The following SERGEF variants were observed in gnomAD, a reference collection of about 807,000 sequenced individuals.
SERGEF encodes the protein secretion regulating guanine nucleotide exchange factor.
In SERGEF, 51 loss-of-function variants were observed where a neutral mutation model predicts 50.0. The ratio of observed to expected loss-of-function variants is 1.02; its 90% CI spans 0.81 to 1.29. The LOEUF (loss-of-function observed/expected upper bound fraction) is 1.29, where lower values mean the gene tolerates loss of function less well. SERGEF is among the 50% of genes most tolerant of loss of function. The pLI is 0.00. For missense variants in SERGEF, 521 were observed against 557.0 expected (o/e 0.94, Z 0.65); for synonymous variants, 205 against 212.4 (o/e 0.97, Z 0.30).
chr11:18,002,151 T>C, intron 4 of SERGEF: 6 of 377,456 alleles, frequency 1.6e-5, no homozygotes, highest in South Asian at 8.3e-5. Context: ...TATTTTTCTT[T>C]TGTTTTTCCC....
intron 4 of SERGEF, chr11:18,002,187 A>G: frequency 5.6e-6 from 2 of 358,086 alleles, no homozygotes; most frequent in South Asian, 2.2e-5. Flanking sequence ...AGGGCTTTAC[A>G]TGTGACTTCA....
chr11:17,908,064 G>T (rs1488765711), intron 9 of SERGEF, among the ~76,000 whole-genome samples: 1 of 152,114 alleles, frequency 6.6e-6, no homozygotes, highest in Non-Finnish European at 1.5e-5. Flanking sequence ...CACTGTCACA[G>T]TTTTCTGACT....
intron 10 of SERGEF, among the ~76,000 whole-genome samples, chr11:17,797,863 A>G (rs1849597753): frequency 6.6e-6 from 1 of 152,254 alleles, no homozygotes; most frequent in African/African-American, 2.4e-5. Context: ...AGAACGCTGC[A>G]ATGACTGGAA....
chr11:17,819,941 C>T (rs965759299), intron 10 of SERGEF, among the ~76,000 whole-genome samples: 1 of 152,172 alleles, frequency 6.6e-6, no homozygotes, highest in Admixed American at 6.5e-5. Context: ...CAGGCTCAAG[C>T]GATCCTCCCC....
rs147877932 is a variant in SERGEF, at chr11:17,940,863, G to A, written c.1011+18607C>T. Among the ~76,000 whole-genome samples, 621 of 152,296 alleles carry A rather than the reference G, an allele frequency of 4.1e-3. 5 individuals carry two copies. Among genetic ancestry groups the A allele is most frequent in the Admixed American group, 8.8e-3 (135 of 15,294 alleles). On this transcript the variant is annotated intron_variant, in intron 9 of 10. Transcript: ENST00000265965. ...CCACCCACTGCTCAAGGCAGGCTCCGAGTCACTGTACTTCTGCTGAATTGT... is the reference window on the plus strand; with the variant it reads ...CCACCCACTGCTCAAGGCAGGCTCCAAGTCACTGTACTTCTGCTGAATTGT...
At chr11:17,951,127 G>C (rs139723579) in intron 9 of SERGEF, among the ~76,000 whole-genome samples, 58 of 152,266 alleles carry the variant, frequency 3.8e-4, no homozygotes, top group Non-Finnish European at 5.3e-4. Context: ...GGTGGTTCTA[G>C]GTAGCTCCTA....
chr11:17,932,157 C>T (rs543748735), intron 9 of SERGEF, among the ~76,000 whole-genome samples: 2 of 152,202 alleles, frequency 1.3e-5, no homozygotes, highest in African/African-American at 4.8e-5. Context: ...TGCCCTAAAA[C>T]TTAAGTATAA....
intron 9 of SERGEF, among the ~76,000 whole-genome samples, chr11:17,911,315 A>G (rs1437167802): frequency 6.8e-6 from 1 of 146,830 alleles, no homozygotes; most frequent in Admixed American, 6.9e-5. Flanking sequence ...TTATTGAGGT[A>G]TTTTATATAT....
Position 17,988,780 on chromosome 11 carries a change from A to G in SERGEF, c.686-25T>C, listed in dbSNP as rs1179265938. The G allele has an allele frequency of 2.5e-6, 4 of 1,609,260 alleles. No individual in the cohort carries two copies. The African/African-American group carries it at 5.3e-5, about 21-fold the overall frequency. On this transcript the variant is annotated intron_variant, in intron 7 of 10. Transcript: ENST00000265965. The stretch of plus-strand genomic sequence containing the variant: ...TCTTAAACAAACAGAAGGGTAACAA[A>G]AGAGGTGAGGGAACATTAGTCCAAA...
intron 10 of SERGEF, among the ~76,000 whole-genome samples, chr11:17,801,088 G>A (rs1045518559): frequency 7.2e-5 from 11 of 151,898 alleles, no homozygotes; most frequent in Non-Finnish European, 1.0e-4. Context: ...CCAGCTACTC[G>A]GGAGGCTGAG....
At chr11:17,825,933 G>A (rs1210436353) in intron 10 of SERGEF, among the ~76,000 whole-genome samples, 1 of 152,150 alleles carries the variant, frequency 6.6e-6, no homozygotes, top group Non-Finnish European at 1.5e-5. Flanking sequence ...AAGAGTATGG[G>A]TTTGAATCCC....
intron 10 of SERGEF, among the ~76,000 whole-genome samples, chr11:17,844,782 G>A (rs1850572383): frequency 6.6e-6 from 1 of 152,084 alleles, no homozygotes; most frequent in Admixed American, 6.6e-5. Flanking sequence ...GACAGACATG[G>A]GCCAGGGGTA....
chr11:17,935,271 T>C (rs1265592583), intron 9 of SERGEF, among the ~76,000 whole-genome samples: 6 of 152,172 alleles, frequency 3.9e-5, no homozygotes, highest in Non-Finnish European at 8.8e-5. Flanking sequence ...TTGAGGCCAG[T>C]AGTTTGAGAC....
At chr11:17,852,370 C>T (rs1850729401) in intron 10 of SERGEF, among the ~76,000 whole-genome samples, 1 of 152,196 alleles carries the variant, frequency 6.6e-6, no homozygotes, top group Non-Finnish European at 1.5e-5. Flanking sequence ...ACATTGCTCC[C>T]TAATTTACCT....
intron 6 of SERGEF, 57 bp downstream of exon 6, chr11:17,995,739 T>C: frequency 8.4e-7 from 1 of 1,194,848 alleles, no homozygotes; most frequent in Non-Finnish European, 1.2e-6. Context: ...TCTGCATGTT[T>C]ATGTCTCTAC....
At position 17,800,307 on chromosome 11, in the gene SERGEF, T is replaced by G. The variant is rs367703521; in HGVS notation, c.1049-11894A>C. 1.7e-3 allele frequency among the ~76,000 whole-genome samples: 261 copies of G among 152,238 alleles called. 4 individuals carry two copies. In the Middle Eastern group the frequency reaches 0.027, roughly 16 times the overall value. On this transcript the variant is annotated intron_variant, in intron 10 of 10. Transcript: ENST00000265965. ...CGCACCACTGACACACCATTGGCGC[T>G]CAAAGTGGGTGGTTTACATTATGGA... is the stretch of plus-strand genomic sequence containing the variant.
chr11:17,966,748 A>G (rs1853133584), intron 8 of SERGEF, among the ~76,000 whole-genome samples: 1 of 152,242 alleles, frequency 6.6e-6, no homozygotes, highest in Non-Finnish European at 1.5e-5. Context: ...GAATTTTTTT[A>G]AGTTAATACA....
intron 7 of SERGEF, among the ~76,000 whole-genome samples, chr11:17,992,594 T>C (rs1035616641): frequency 1.3e-5 from 2 of 152,234 alleles, no homozygotes; most frequent in South Asian, 2.1e-4. Context: ...GTTGATTACA[T>C]GATTTGACAA....
intron 10 of SERGEF, among the ~76,000 whole-genome samples, chr11:17,868,313 A>G (rs1405838673): frequency 6.6e-6 from 1 of 152,222 alleles, no homozygotes; most frequent in African/African-American, 2.4e-5. Context: ...AAAGTTCCAC[A>G]AATCTCTAGG....
Sources: allele counts gnomAD v4.1 joint callset (sites outside exome capture counted in the v4.1 genomes callset), GRCh38; gene constraint gnomAD v4.1.1; transcripts MANE v1.5; gene names NCBI Gene and HGNC (gene_info 2026-07-23, HGNC 2026-07-21).